The following ZNF589 variants were observed in gnomAD, a reference collection of about 807,000 sequenced individuals.
ZNF589 encodes zinc finger protein 589.
Under a neutral mutation model 13.6 loss-of-function variants are expected in ZNF589, and 17 were observed. The observed-to-expected ratio is 1.25, with a 90% CI of 0.86 to 1.88. The LOEUF is 1.88. ZNF589 is among the 40% of genes most tolerant of loss of function. ZNF589 has a pLI of 0.00. For missense variants in ZNF589, 407 were observed against 434.0 expected, an observed-to-expected ratio of 0.94 and a Z score of 0.55; for synonymous variants, 148 against 161.6, an observed-to-expected ratio of 0.92 and a Z score of 0.64.
In ZNF589 at chr3:48,241,119, T is replaced by C. The variant is rs1014250159; in HGVS notation, c.-53T>C. On this transcript the variant is annotated 5_prime_UTR_variant, in exon 1 of 4. Coordinates refer to ENST00000354698, the MANE Select transcript of ZNF589 (RefSeq NM_016089.3). The stretch of plus-strand genomic sequence containing the variant: ...GGCCCGCGGTGCGCATTCTAATCCG[T>C]TTCACACACGGTGCTGCTACCTCGT... 1.9e-6 allele frequency: 3 copies of C among 1,611,858 alleles called. No individual in the cohort carries two copies. The African/African-American group carries it at 4.0e-5, about 22-fold the overall frequency.
chr3:48,265,435 C>T (rs891711186), intron 3 of ZNF589, among the ~76,000 whole-genome samples: 2 of 151,510 alleles, frequency 1.3e-5, no homozygotes, highest in Admixed American at 6.6e-5. Flanking sequence ...TACAGGCCGG[C>T]GCCACCATGA....
chr3:48,263,470 C>T lies in ZNF589; in HGVS notation c.223+2531C>T, dbSNP rs1472888063. 2.0e-5 allele frequency among the ~76,000 whole-genome samples: 3 copies of T among 151,326 alleles called. No homozygotes were observed. In the South Asian group the frequency reaches 6.4e-4, roughly 32 times the overall value. On this transcript the variant is annotated intron_variant, in intron 3 of 3. Transcript: ENST00000354698. ...TATTAAAACATTCTGCAGCTGGGTGCGGTGGCTCATGCCTGTAATCCCAGC... is the reference window on the plus strand; with the variant it reads ...TATTAAAACATTCTGCAGCTGGGTGTGGTGGCTCATGCCTGTAATCCCAGC...
chr3:48,267,823 T>G, intron 3 of ZNF589, 92 bp from the exon 4 acceptor site: 12 of 1,320,528 alleles, frequency 9.1e-6, no homozygotes, highest in African/African-American at 1.5e-5. Flanking sequence ...CTTTAATCAT[T>G]GAGAATGATT....
chr3:48,265,800 A>G (rs1205063494), intron 3 of ZNF589, among the ~76,000 whole-genome samples: 1 of 152,046 alleles, frequency 6.6e-6, no homozygotes, highest in Non-Finnish European at 1.5e-5. Context: ...ATTCACTTGT[A>G]TTAAGTTCTG....
intron 2 of ZNF589, 68 bp downstream of exon 2, chr3:48,247,745 C>A (rs1322045167): frequency 1.9e-6 from 3 of 1,563,698 alleles, no homozygotes; most frequent in East Asian, 4.5e-5. Flanking sequence ...GCTCATCTGT[C>A]TTTCTTGGGA....
intron 2 of ZNF589, 112 bp downstream of exon 2, chr3:48,247,789 G>A: frequency 4.2e-6 from 5 of 1,185,164 alleles, no homozygotes; most frequent in Non-Finnish European, 6.0e-6. Context: ...AGTGGTTTAT[G>A]CCTTGTGTTA....
chr3:48,241,848 T>G (rs2033702051), intron 1 of ZNF589, among the ~76,000 whole-genome samples: 4 of 151,884 alleles, frequency 2.6e-5, no homozygotes, highest in Admixed American at 2.0e-4. Flanking sequence ...ATTTTTATAT[T>G]TTTTGAGTCG....
chr3:48,259,246 C>T (rs960375772), intron 2 of ZNF589, among the ~76,000 whole-genome samples: 7 of 152,042 alleles, frequency 4.6e-5, no homozygotes, highest in African/African-American at 1.2e-4. Context: ...CCCAAAACTT[C>T]TCACACACTC....
In ZNF589 at chr3:48,270,081, C is replaced by T; in HGVS notation, c.*1295C>T. ...GAATGGTCTTTGCATCTGACTACTT[C>T]CTTCTGCAACTGTGTTCTTCCATTA... On this transcript the variant is annotated 3_prime_UTR_variant, in exon 4 of 4. Transcript: ENST00000354698. 2.2e-6 allele frequency: 1 copy of T among 457,192 alleles called. No individual in the cohort carries two copies. Among genetic ancestry groups the T allele is most frequent in the Non-Finnish European group, 4.4e-6 (1 of 227,066 alleles). 28.3% of individuals were successfully genotyped at this position (457,192 alleles called of 1,614,324 possible).
rs762842315 is a variant in ZNF589 at position 48,268,303 on chromosome 3, C to T, written c.612C>T (p.Ser204=). 1 of 1,613,434 alleles carries T rather than the reference C, an allele frequency of 6.2e-7. No homozygotes were observed. ...NASSEEVDRI[S]KRAETPGFGA... ...GCTCTGAGGAAGTAGACAGAATTTC[C>T]AAGAGGGCAGAAACCCCAGGGTTTG... is the stretch of plus-strand genomic sequence containing the variant. Residue 204 remains serine, a synonymous_variant, in exon 4 of 4, where the codon TCC becomes TCT. Transcript: ENST00000354698.
At position 48,241,178 on chromosome 3, in the gene ZNF589, G is replaced by A; in HGVS notation, c.7G>A (p.Ala3Thr). The A allele has an allele frequency of 4.3e-6, 7 of 1,613,640 alleles. No individual in the cohort carries two copies. The highest frequency in any genetic ancestry group is 5.9e-6 in the Non-Finnish European group (7 of 1,179,906). Residue 3 changes from alanine (A) to threonine (T), a missense_variant, in exon 1 of 4, where the codon GCC becomes ACC. Physicochemically the swap from Ala to Thr is moderately conservative, Grantham distance 58. Coordinates refer to ENST00000354698, the MANE Select transcript of ZNF589 (RefSeq NM_016089.3). MW[A>T]PREQLLGWTA... ...TGCGTGCGTGCGCGCGCAGATGTGG[G>A]CCCCGCGGGAGCAGCTACTGGGCTG... is the stretch of plus-strand genomic sequence containing the variant.
chr3:48,254,372 G>A (rs2033874431), intron 2 of ZNF589, among the ~76,000 whole-genome samples: 1 of 152,220 alleles, frequency 6.6e-6, no homozygotes, highest in African/African-American at 2.4e-5. Flanking sequence ...CTTGATAAAT[G>A]TAGCTTTATA....
chr3:48,269,478 A>T lies in ZNF589; in HGVS notation c.*692A>T. 8.0e-6 allele frequency: 3 copies of T among 376,034 alleles called. No homozygotes were observed. Among genetic ancestry groups the T allele is most frequent in the Non-Finnish European group, 1.0e-5 (2 of 193,840 alleles). The allele number at this position is 376,034 out of a possible 1,614,324, so 23.3% of individuals were successfully genotyped here. On this transcript the variant is annotated 3_prime_UTR_variant, in exon 4 of 4. Coordinates refer to ENST00000354698, the MANE Select transcript of ZNF589 (RefSeq NM_016089.3). Reference sequence around the variant, plus strand: ...GAATGTGGGCGGGGATTTGGCCGGAAGATACTCCTCAACAGACACTGGAGG... The same window carrying T: ...GAATGTGGGCGGGGATTTGGCCGGATGATACTCCTCAACAGACACTGGAGG...
chr3:48,268,854 T>C lies in ZNF589; in HGVS notation c.*68T>C. On this transcript the variant is annotated 3_prime_UTR_variant, in exon 4 of 4. Transcript: ENST00000354698. ...AGGATACATTCAGATGAGAAGCCTT[T>C]TGTTTGCAGAGAGTGTGGGCGAGGC... 1 of 1,444,364 alleles carries C rather than the reference T, an allele frequency of 6.9e-7. No individual in the cohort carries two copies. The highest frequency in any genetic ancestry group is 9.2e-7 in the Non-Finnish European group (1 of 1,090,972). The allele number at this position is 1,444,364 out of a possible 1,614,324, so 89.5% of individuals were successfully genotyped here.
Position 48,269,306 on chromosome 3 carries a change from G to A in ZNF589, c.*520G>A. On this transcript the variant is annotated 3_prime_UTR_variant, in exon 4 of 4. Coordinates refer to ENST00000354698, the MANE Select transcript of ZNF589 (RefSeq NM_016089.3). ...CGGAGAGTGTGGGCGAGGCTTTATA[G>A]CTCAGTCAACCCTCCACTACCACCG... The A allele has an allele frequency of 6.7e-7, 1 of 1,497,074 alleles. No individual in the cohort carries two copies. Among genetic ancestry groups the A allele is most frequent in the South Asian group, 1.2e-5 (1 of 84,546 alleles). 92.7% of individuals were successfully genotyped at this position (1,497,074 alleles called of 1,614,324 possible). A position where few individuals can be genotyped will look rare whatever the true frequency, so the allele number is the denominator to read the frequency against.
Position 48,268,385 on chromosome 3 carries a change from A to G in ZNF589, c.694A>G (p.Arg232Gly). The change falls in exon 4 of 4, where the codon AGA (arginine) becomes GGA (glycine). Residue 232 changes from arginine to glycine, a missense_variant. Transcript: ENST00000354698. Reference sequence around the variant, plus strand: ...TTTTAACCAGAAGTCAAACCTGTTCAGACAGAAGGCAGTCACAGCAGAAAA... The same window carrying G: ...TTTTAACCAGAAGTCAAACCTGTTCGGACAGAAGGCAGTCACAGCAGAAAA... ...LAFNQKSNLF[R>G]QKAVTAEKSS... 6.2e-7 allele frequency: 1 copy of G among 1,614,198 alleles called. No homozygotes were observed. The highest frequency in any genetic ancestry group is 1.3e-5 in the African/African-American group (1 of 75,072).
At position 48,270,312 on chromosome 3, in the gene ZNF589, T is replaced by C; in HGVS notation, c.*1526T>C. ...TCTAAAAGTTCTTCAGACTCAGGACTTAAACATAGCCACGCCACCTTGGCC... is the reference window on the plus strand; with the variant it reads ...TCTAAAAGTTCTTCAGACTCAGGACCTAAACATAGCCACGCCACCTTGGCC... On this transcript the variant is annotated 3_prime_UTR_variant, in exon 4 of 4. Transcript: ENST00000354698. The C allele has an allele frequency of 2.3e-6, 1 of 441,354 alleles. No individual in the cohort carries two copies. The highest frequency in any genetic ancestry group is 4.6e-6 in the Non-Finnish European group (1 of 218,432). 27.3% of individuals were successfully genotyped at this position (441,354 alleles called of 1,614,324 possible).
chr3:48,256,880 G>A, intron 2 of ZNF589: 1 of 976,844 alleles, frequency 1.0e-6, no homozygotes, highest in Non-Finnish European at 1.6e-6. Flanking sequence ...TGCTGGGCCT[G>A]CTAGGAGCCC....
intron 2 of ZNF589, chr3:48,256,451 T>C (rs1352383618): frequency 1.8e-6 from 1 of 564,348 alleles, no homozygotes; most frequent in African/African-American, 1.9e-5. Context: ...CCTTTTTTTG[T>C]AGATGGGCAT....
Sources: gnomAD v4.1 joint callset for allele counts (sites outside exome capture counted in the v4.1 genomes callset) on GRCh38, gnomAD v4.1.1 for gene constraint, MANE v1.5 for transcripts, NCBI Gene and HGNC (gene_info 2026-07-23, HGNC 2026-07-21) for gene names.